The following CCNH variants were observed in gnomAD, a reference collection of about 807,000 sequenced individuals.
The protein encoded by CCNH is cyclin H.
Under a neutral mutation model 41.9 loss-of-function variants are expected in CCNH, and 31 were observed. The ratio of observed to expected loss-of-function variants is 0.74; its 90% CI spans 0.56 to 1.00. The LOEUF is 1.00. CCNH is among the 50% of genes least tolerant of loss of function. The pLI, the probability that CCNH is intolerant of heterozygous loss-of-function variation, is 0.00. For synonymous variants in CCNH, 138 were observed against 136.1 expected (o/e 1.01, Z -0.10); for missense variants, 362 against 388.4 (o/e 0.93, Z 0.57).
At chr5:87,392,470 A>G, downstream of CCNH, 1 of 405,448 alleles carries the variant, frequency 2.5e-6, no homozygotes, top group East Asian at 7.2e-5. Flanking sequence ...CTCTTTTATC[A>G]AATTACTCTC....
intron 9 of CCNH, chr5:87,331,363 A>G: frequency 6.2e-7 from 1 of 1,610,250 alleles, no homozygotes; most frequent in Non-Finnish European, 8.5e-7. Flanking sequence ...ATCACGGAAA[A>G]CTTGACAGAA....
chr5:87,364,574 G>A (rs752154960), intron 9 of CCNH, among the ~76,000 whole-genome samples: 12 of 152,018 alleles, frequency 7.9e-5, no homozygotes, highest in African/African-American at 2.7e-4. Context: ...CAAAGATTGC[G>A]TGAGGACAGG....
rs774547215 is a variant in CCNH, at chr5:87,362,586, C to T, written c.*90+30184G>A. On this transcript the variant is annotated intron_variant and NMD_transcript_variant, in intron 9 of 9. Transcript: ENST00000645953. The stretch of plus-strand genomic sequence containing the variant: ...AAGTACTCAATGACACAGTGGATGG[C>T]AAGGAAATCTATAATACCATCCGTC... 4.4e-6 allele frequency: 7 copies of T among 1,596,198 alleles called. No individual in the cohort carries two copies. The highest frequency in any genetic ancestry group is 6.0e-6 in the Non-Finnish European group (7 of 1,164,080).
chr5:87,344,629 G>A (rs774544080), intron 9 of CCNH, among the ~76,000 whole-genome samples: 4 of 151,276 alleles, frequency 2.6e-5, no homozygotes, highest in African/African-American at 4.9e-5. Flanking sequence ...TGAGCCTCCC[G>A]AGTAGCTGAG....
Position 87,401,756 on chromosome 5 carries a change from G to A in CCNH, c.706C>T (p.Leu236=), listed in dbSNP as rs755370075. The change falls in exon 6 of 9, where the codon CTG becomes TTG. Residue 236 remains leucine, a synonymous_variant. Coordinates refer to ENST00000256897, the MANE Select transcript of CCNH (RefSeq NM_001239.4). Reference sequence around the variant, plus strand: ...CAAGTTCTGTTCTCTTTCAGCATCAGACTCTCTGATAAATAACTAGTAAAG... The same window carrying A: ...CAAGTTCTGTTCTCTTTCAGCATCAAACTCTCTGATAAATAACTAGTAAAG... ...ITMESYLSES[L]MLKENRTCLS... 1.0e-5 allele frequency: 16 copies of A among 1,582,338 alleles called. No homozygotes were observed. In the South Asian group the frequency reaches 1.9e-4, roughly 18 times the overall value.
intron 9 of CCNH, among the ~76,000 whole-genome samples, chr5:87,385,836 C>T (rs563583029): frequency 6.6e-6 from 1 of 152,132 alleles, no homozygotes; most frequent in South Asian, 2.1e-4. Context: ...TAATACGTGA[C>T]AGACTTCTTG....
chr5:87,393,391 G>A (rs921479700), downstream of CCNH: 2 of 152,054 alleles, frequency 1.3e-5, no homozygotes, highest in East Asian at 1.9e-4. Flanking sequence ...GTGTATGCAG[G>A]TACTATTCTA....
At chr5:87,403,561 G>A (rs1284081919) in intron 5 of CCNH, among the ~76,000 whole-genome samples, 2 of 152,098 alleles carry the variant, frequency 1.3e-5, no homozygotes, top group South Asian at 2.1e-4. Flanking sequence ...GAGACTACTC[G>A]AGTCTAGGAG....
chr5:87,383,568 G>A (rs1761872701), intron 9 of CCNH: 2 of 577,762 alleles, frequency 3.5e-6, no homozygotes, highest in Non-Finnish European at 6.0e-6. Flanking sequence ...AAAGCTTTCT[G>A]TGTCTGGGCT....
At chr5:87,382,389 T>C (rs753199259) in intron 9 of CCNH, among the ~76,000 whole-genome samples, 15 of 152,214 alleles carry the variant, frequency 9.9e-5, no homozygotes, top group Admixed American at 5.2e-4. Flanking sequence ...GAACAGAGAT[T>C]GTATCTATTA....
intron 9 of CCNH, among the ~76,000 whole-genome samples, chr5:87,342,486 G>C (rs1758544576): frequency 6.6e-6 from 1 of 152,084 alleles, no homozygotes; most frequent in Non-Finnish European, 1.5e-5. Context: ...ATTAATGCTT[G>C]GAAGAATCAG....
chr5:87,376,709 T>C (rs1761350394), exon 1 of CCNH: 2 of 1,257,422 alleles, frequency 1.6e-6, no homozygotes, highest in East Asian at 5.1e-5. Flanking sequence ...TTTTATACTG[T>C]AATTTTGGTA....
intron 9 of CCNH, chr5:87,383,797 A>T (rs763554003): frequency 1.3e-6 from 2 of 1,590,016 alleles, no homozygotes; most frequent in African/African-American, 2.7e-5. Context: ...AGCTTTTGAT[A>T]CATTTTGAAA....
downstream of CCNH, among the ~76,000 whole-genome samples, chr5:87,390,484 A>T (rs967032028): frequency 2.0e-5 from 3 of 152,084 alleles, no homozygotes; most frequent in South Asian, 2.1e-4. Context: ...TAGATATTAA[A>T]TAAAAAAAGC....
At chr5:87,342,528 GTA>G (rs1406943407) in intron 9 of CCNH, among the ~76,000 whole-genome samples, 1 of 152,154 alleles carries the variant, frequency 6.6e-6, no homozygotes, top group Non-Finnish European at 1.5e-5. Flanking sequence ...AGCGGGTCAA[GTA>G]TATATATTCC....
chr5:87,337,356 A>T (rs1417127550), intron 9 of CCNH, among the ~76,000 whole-genome samples: 1 of 152,042 alleles, frequency 6.6e-6, no homozygotes, highest in African/African-American at 2.4e-5. Context: ...TTCTCATAAT[A>T]TATCCCTTGG....
chr5:87,347,652 T>C (rs1758957659), intron 9 of CCNH, among the ~76,000 whole-genome samples: 1 of 151,962 alleles, frequency 6.6e-6, no homozygotes, highest in Admixed American at 6.6e-5. Flanking sequence ...TTTTGAAAGA[T>C]TTGAGATAGT....
At chr5:87,374,962 T>C, downstream of CCNH, 1 of 1,568,630 alleles carries the variant, frequency 6.4e-7, no homozygotes, top group South Asian at 1.2e-5. Context: ...GCATGTTTTA[T>C]ATACTTTCAA....
At chr5:87,346,975 GT>G (rs1370598106) in intron 9 of CCNH, among the ~76,000 whole-genome samples, 2 of 151,584 alleles carry the variant, frequency 1.3e-5, no homozygotes. Flanking sequence ...CTAGGTGACA[GT>G]TTTTTTTCCC....
Sources: allele counts gnomAD v4.1 joint callset (sites outside exome capture counted in the v4.1 genomes callset), GRCh38; gene constraint gnomAD v4.1.1; transcripts MANE v1.5; gene names NCBI Gene and HGNC (gene_info 2026-07-23, HGNC 2026-07-21).